Variants in DACH1 observed in about 807,000 individuals in gnomAD.
DACH1 encodes the protein dachshund family transcription factor 1.
In DACH1, 12 loss-of-function variants were observed where a neutral mutation model predicts 54.2. That is an observed-to-expected ratio of 0.22 (90% CI 0.14 to 0.36). The LOEUF is 0.36. Among genes scored for constraint, DACH1 ranks in the 10% least tolerant of loss-of-function variants. DACH1 has a pLI of 1.00. For missense variants in DACH1, 805 were observed against 929.8 expected (o/e 0.87, Z 1.75); for synonymous variants, 386 against 366.2 (o/e 1.05, Z -0.62).
intron 4 of DACH1, among the ~76,000 whole-genome samples, chr13:71,571,621 C>G (rs1020461653): frequency 1.3e-5 from 2 of 151,502 alleles, no homozygotes; most frequent in Non-Finnish European, 2.9e-5. Context: ...ATTGATACTA[C>G]AGAAAATGAC....
chr13:71,615,806 T>C (rs929674418), intron 3 of DACH1, among the ~76,000 whole-genome samples: 1 of 152,188 alleles, frequency 6.6e-6, no homozygotes, highest in East Asian at 1.9e-4. Flanking sequence ...TCTTAGCTTT[T>C]TAGAAGACAT....
At chr13:71,631,054 C>G (rs926471112) in intron 2 of DACH1, among the ~76,000 whole-genome samples, 1 of 152,146 alleles carries the variant, frequency 6.6e-6, no homozygotes, top group Admixed American at 6.6e-5. Context: ...GCTGCCTACA[C>G]GGAGGGAAAA....
rs73523403 is a variant in DACH1, at chr13:71,662,102, G to A, written c.964+19693C>T. Among the ~76,000 whole-genome samples the A allele has an allele frequency of 4.3e-3, 654 of 152,010 alleles. 9 individuals are homozygous for A. The highest frequency in any genetic ancestry group is 0.015 in the African/African-American group (613 of 41,482). On this transcript the variant is annotated intron_variant, in intron 2 of 10. Coordinates refer to ENST00000613252, the MANE Select transcript of DACH1 (RefSeq NM_080759.6). Reference sequence around the variant, plus strand: ...AAATGGACACAATACTGTTGATATCGTCTAAGCAAACAAGGCTGCTGCCAA... The same window carrying A: ...AAATGGACACAATACTGTTGATATCATCTAAGCAAACAAGGCTGCTGCCAA...
intron 1 of DACH1, among the ~76,000 whole-genome samples, chr13:71,837,921 G>T (rs1017866840): frequency 1.4e-5 from 2 of 138,318 alleles, no homozygotes; most frequent in East Asian, 4.4e-4. Flanking sequence ...ACCAAACACC[G>T]CATATTCTCA....
chr13:71,713,602 A>G (rs1882831458), intron 1 of DACH1, among the ~76,000 whole-genome samples: 1 of 152,146 alleles, frequency 6.6e-6, no homozygotes, highest in South Asian at 2.1e-4. Context: ...GTAACACTGT[A>G]TGAAATTTTG....
At chr13:71,814,266 TCTTAG>T (rs1338103590) in intron 1 of DACH1, among the ~76,000 whole-genome samples, 3 of 152,210 alleles carry the variant, frequency 2.0e-5, no homozygotes, top group East Asian at 1.9e-4. Context: ...TATGCATGTT[TCTTAG>T]CTTAGCTACA....
chr13:71,476,709 C>T lies in DACH1; in HGVS notation c.1871-860G>A, dbSNP rs530602337. 3.5e-4 allele frequency among the ~76,000 whole-genome samples: 53 copies of T among 151,966 alleles called. 1 individual carries two copies. Among genetic ancestry groups the T allele is most frequent in the Admixed American group, 2.6e-3 (40 of 15,272 alleles). ...TAAATATTTGTATATGATACATACTCGATAAATAATAACTACTGTTCTTTA... is the reference window on the plus strand; with the variant it reads ...TAAATATTTGTATATGATACATACTTGATAAATAATAACTACTGTTCTTTA... On this transcript the variant is annotated intron_variant, in intron 8 of 10. Coordinates refer to ENST00000613252, the MANE Select transcript of DACH1 (RefSeq NM_080759.6).
At chr13:71,557,232 A>G in intron 5 of DACH1, 74 bp from the exon 6 acceptor site, 1 of 1,393,678 alleles carries the variant, frequency 7.2e-7, no homozygotes, top group South Asian at 1.4e-5. Context: ...CAATAAGTCA[A>G]TTAAACTCTC....
chr13:71,667,211 T>G (rs1879901187), intron 2 of DACH1, among the ~76,000 whole-genome samples: 1 of 152,120 alleles, frequency 6.6e-6, no homozygotes, highest in South Asian at 2.1e-4. Flanking sequence ...AAAAGAAACA[T>G]GGCCAGATAA....
rs146491206 is a variant in DACH1, at chr13:71,726,957, T to C, written c.849-45047A>G. On this transcript the variant is annotated intron_variant, in intron 1 of 10. Coordinates refer to ENST00000613252, the MANE Select transcript of DACH1 (RefSeq NM_080759.6). ...TAGAAAATAAATAGATCTATACATA[T>C]TTTGTTAAAGACCAATCAATTGATC... Among the ~76,000 whole-genome samples the C allele has an allele frequency of 2.8e-3, 429 of 152,138 alleles. 3 individuals carry two copies. The highest frequency in any genetic ancestry group is 9.9e-3 in the African/African-American group (410 of 41,548).
At chr13:71,663,070 A>G (rs555328902) in intron 2 of DACH1, among the ~76,000 whole-genome samples, 13 of 152,006 alleles carry the variant, frequency 8.6e-5, no homozygotes, top group African/African-American at 3.1e-4. Context: ...TATTCACTTC[A>G]GATTTTCTGC....
chr13:71,653,638 G>T (rs919932263), intron 2 of DACH1, among the ~76,000 whole-genome samples: 22 of 152,048 alleles, frequency 1.4e-4, no homozygotes, highest in African/African-American at 5.1e-4. Context: ...GAATATTTTG[G>T]ATGCAAAACA....
intron 1 of DACH1, among the ~76,000 whole-genome samples, chr13:71,852,470 G>A (rs1286838235): frequency 6.6e-6 from 1 of 151,674 alleles, no homozygotes; most frequent in Non-Finnish European, 1.5e-5. Context: ...ATAGATTCAA[G>A]AAGCATATCC....
chr13:71,690,691 G>A (rs1251162429), intron 1 of DACH1, among the ~76,000 whole-genome samples: 1 of 152,134 alleles, frequency 6.6e-6, no homozygotes, highest in African/African-American at 2.4e-5. Flanking sequence ...CAGCACTTTG[G>A]GAAGCCAAGG....
intron 6 of DACH1, among the ~76,000 whole-genome samples, chr13:71,499,912 G>A (rs1879770019): frequency 6.6e-6 from 1 of 152,006 alleles, no homozygotes; most frequent in Non-Finnish European, 1.5e-5. Context: ...GTCGTAAGAT[G>A]TTCAGTAATA....
intron 1 of DACH1, among the ~76,000 whole-genome samples, chr13:71,817,424 A>C (rs969497004): frequency 6.6e-6 from 1 of 152,200 alleles, no homozygotes; most frequent in Middle Eastern, 3.2e-3. Context: ...TTGATGTATT[A>C]GTTATTGAAT....
intron 3 of DACH1, among the ~76,000 whole-genome samples, chr13:71,615,556 C>T (rs1012188746): frequency 6.6e-6 from 1 of 152,102 alleles, no homozygotes. Flanking sequence ...TTTCCTCTTC[C>T]TGTGTGCCCG....
intron 1 of DACH1, among the ~76,000 whole-genome samples, chr13:71,837,569 T>C (rs975409765): frequency 1.3e-5 from 2 of 152,024 alleles, no homozygotes; most frequent in Admixed American, 1.3e-4. Flanking sequence ...CTTATATTCC[T>C]TTTCAACCAG....
At chr13:71,508,677 A>G (rs1467665938) in intron 6 of DACH1, among the ~76,000 whole-genome samples, 1 of 151,832 alleles carries the variant, frequency 6.6e-6, no homozygotes, top group Non-Finnish European at 1.5e-5. Context: ...ATGTTGCCCA[A>G]GCTGATCTCG....
Sources: allele counts gnomAD v4.1 joint callset (sites outside exome capture counted in the v4.1 genomes callset), GRCh38; gene constraint gnomAD v4.1.1; transcripts MANE v1.5; gene names NCBI Gene and HGNC (gene_info 2026-07-23, HGNC 2026-07-21).